The following UBE3C variants were observed in gnomAD, a reference collection of about 807,000 sequenced individuals.
UBE3C encodes the protein ubiquitin-protein ligase E3C.
UBE3C carries 42 observed loss-of-function variants against 129.4 expected under a neutral mutation model. That is an observed-to-expected ratio of 0.32 (90% CI 0.25 to 0.42). The LOEUF is 0.42. UBE3C is among the 10% of genes least tolerant of loss of function. The probability of loss-of-function intolerance (pLI) is 1.00; values close to 1 mark genes in which losing one functional copy is unlikely to be tolerated. For synonymous variants in UBE3C, 510 were observed against 492.4 expected, an observed-to-expected ratio of 1.04 and a Z score of -0.47; for missense variants, 1,049 against 1,319.1, an observed-to-expected ratio of 0.80 and a Z score of 3.17.
chr7:157,232,871 CT>C (rs1796057715), intron 18 of UBE3C, among the ~76,000 whole-genome samples: 1 of 152,110 alleles, frequency 6.6e-6, no homozygotes, highest in South Asian at 2.1e-4. Context: ...TTTAGGACTT[CT>C]TTTACATAAC....
intron 1 of UBE3C, among the ~76,000 whole-genome samples, chr7:157,153,080 C>T (rs1006327439): frequency 6.2e-4 from 94 of 152,166 alleles, no homozygotes; most frequent in Non-Finnish European, 8.7e-4. Flanking sequence ...CCTGTAATCT[C>T]AGCTACTTGG....
At chr7:157,173,515 A>C (rs1808436092) in intron 4 of UBE3C, among the ~76,000 whole-genome samples, 1 of 152,192 alleles carries the variant, frequency 6.6e-6, no homozygotes, top group Non-Finnish European at 1.5e-5. Flanking sequence ...TATTCTATGC[A>C]AAAATCAACA....
intron 22 of UBE3C, among the ~76,000 whole-genome samples, chr7:157,264,768 G>A (rs1397970358): frequency 2.0e-5 from 3 of 152,032 alleles, no homozygotes; most frequent in Non-Finnish European, 4.4e-5. Flanking sequence ...ATGGGGTTTC[G>A]CCATGTTGGT....
At chr7:157,260,314 C>T (rs1049712695) in intron 22 of UBE3C, among the ~76,000 whole-genome samples, 3 of 152,212 alleles carry the variant, frequency 2.0e-5, no homozygotes, top group African/African-American at 4.8e-5. Context: ...GCCAGGAAAA[C>T]GCTGCCGCCT....
Position 157,182,295 on chromosome 7 carries a change from T to C in UBE3C, c.958T>C (p.Tyr320His), listed in dbSNP as rs1479325920. ...RKSGGAPWLF[Y>H]FVLTVGENYL... ...GAGTGGTGGAGCACCCTGGCTTTTCTATTTCGTTTTAACTGTTGGCGAAAA... is the reference window on the plus strand; with the variant it reads ...GAGTGGTGGAGCACCCTGGCTTTTCCATTTCGTTTTAACTGTTGGCGAAAA... Residue 320 changes from tyrosine to histidine, a missense_variant, in exon 8 of 23, where the codon TAT becomes CAT. Transcript: ENST00000348165. 1 of 1,613,868 alleles carries C rather than the reference T, an allele frequency of 6.2e-7. No individual in the cohort carries two copies. Among genetic ancestry groups the C allele is most frequent in the Non-Finnish European group, 8.5e-7 (1 of 1,179,954 alleles).
intron 21 of UBE3C, among the ~76,000 whole-genome samples, chr7:157,255,226 G>A (rs1796721577): frequency 6.6e-6 from 1 of 152,120 alleles, no homozygotes; most frequent in Admixed American, 6.5e-5. Flanking sequence ...ACACAATAAC[G>A]ATGTTCAGCA....
intron 13 of UBE3C, among the ~76,000 whole-genome samples, chr7:157,209,212 G>C (rs765208843): frequency 2.0e-5 from 3 of 152,156 alleles, no homozygotes; most frequent in South Asian, 4.1e-4. Context: ...CCAAGTCCAC[G>C]AGAGTCTCTC....
intron 4 of UBE3C, among the ~76,000 whole-genome samples, chr7:157,171,275 T>C (rs1808359526): frequency 6.6e-6 from 1 of 151,992 alleles, no homozygotes. Flanking sequence ...TACAGGCGTG[T>C]TACCAACATG....
chr7:157,235,114 C>G (rs1186525024), intron 18 of UBE3C, among the ~76,000 whole-genome samples: 1 of 152,124 alleles, frequency 6.6e-6, no homozygotes, highest in Non-Finnish European at 1.5e-5. Flanking sequence ...TGGCTTGAAC[C>G]TGGAGGCGGA....
intron 18 of UBE3C, among the ~76,000 whole-genome samples, chr7:157,246,789 T>G (rs556329026): frequency 1.9e-4 from 29 of 152,282 alleles, no homozygotes; most frequent in African/African-American, 7.0e-4. Context: ...TCTCTAAAAC[T>G]GTTCTCCACC....
At chr7:157,149,530 C>T (rs1055494248) in intron 1 of UBE3C, among the ~76,000 whole-genome samples, 1 of 152,102 alleles carries the variant, frequency 6.6e-6, no homozygotes, top group African/African-American at 2.4e-5. Flanking sequence ...CATGCACAGG[C>T]GGACCCTGCA....
At chr7:157,262,466 C>G (rs1407470109) in intron 22 of UBE3C, among the ~76,000 whole-genome samples, 2 of 125,532 alleles carry the variant, frequency 1.6e-5, no homozygotes, top group Non-Finnish European at 3.1e-5. Context: ...GTTGCCCAGG[C>G]TGGAGTACAA....
chr7:157,197,022 A>C (rs940756738), intron 10 of UBE3C, among the ~76,000 whole-genome samples: 1 of 152,248 alleles, frequency 6.6e-6, no homozygotes, highest in Non-Finnish European at 1.5e-5. Context: ...CACAGCAGTC[A>C]TAATTCTGCA....
At chr7:157,173,113 C>T (rs1437580898) in intron 4 of UBE3C, among the ~76,000 whole-genome samples, 1 of 152,200 alleles carries the variant, frequency 6.6e-6, no homozygotes, top group African/African-American at 2.4e-5. Flanking sequence ...GTGGCTCAGG[C>T]CTGTAATACC....
chr7:157,170,396 T>C lies in UBE3C; in HGVS notation c.288T>C (p.Leu96=), dbSNP rs1808334765. The change falls in exon 4 of 23, where the codon CTT becomes CTC. Residue 96 remains leucine, a synonymous_variant. Transcript: ENST00000348165. ...TTGCTAATGGCCCCAACCTTACCCT[T>C]TTGGTAAGGCAGCTTCTGTTTTTTT... ...FPIANGPNLT[L]LVRQLLFFYK... 6.3e-7 allele frequency: 1 copy of C among 1,575,156 alleles called. No individual in the cohort carries two copies. Among genetic ancestry groups the C allele is most frequent in the Non-Finnish European group, 8.6e-7 (1 of 1,162,712 alleles).
intron 10 of UBE3C, among the ~76,000 whole-genome samples, chr7:157,199,637 A>G (rs1389409871): frequency 6.6e-6 from 1 of 151,164 alleles, no homozygotes; most frequent in Non-Finnish European, 1.5e-5. Flanking sequence ...CGCCCAGCTA[A>G]TTTTTCTATT....
In UBE3C at chr7:157,244,185, G is replaced by A. The variant is rs187125896; in HGVS notation, c.2482-4183G>A. 5.6e-4 allele frequency among the ~76,000 whole-genome samples: 85 copies of A among 152,246 alleles called. 1 individual carries two copies. The highest frequency in any genetic ancestry group is 1.9e-3 in the African/African-American group (81 of 41,546). On this transcript the variant is annotated intron_variant, in intron 18 of 22. Coordinates refer to ENST00000348165, the MANE Select transcript of UBE3C (RefSeq NM_014671.3). ...GCGGAGGTTGCAGTGAGCTGAGATC[G>A]TGCCATTCATTGCGCTCCAGCCTGG...
intron 22 of UBE3C, among the ~76,000 whole-genome samples, chr7:157,262,473 A>AC (rs1796945697): frequency 8.6e-6 from 1 of 115,900 alleles, no homozygotes; most frequent in Admixed American, 1.3e-4. Context: ...AGGCTGGAGT[A>AC]CAATGGCCCA....
chr7:157,169,373 C>CTTT lies in UBE3C; in HGVS notation c.195+264_195+266dup, dbSNP rs3039755. On this transcript the variant is annotated intron_variant, in intron 3 of 22. Coordinates refer to ENST00000348165, the MANE Select transcript of UBE3C (RefSeq NM_014671.3). ...AAATAGAAGGAAGTCATGAGAGATC[C>CTTT]TTTTTTTTTTTTTTTAAATTGAGAC... Among the ~76,000 whole-genome samples the CTTT allele has an allele frequency of 7.6e-4, 108 of 142,556 alleles. No homozygotes were observed. In the East Asian group the frequency reaches 0.011, roughly 15 times the overall value. 93.5% of individuals were successfully genotyped at this position (142,556 alleles called of 152,430 possible).
Sources: allele counts gnomAD v4.1 joint callset (sites outside exome capture counted in the v4.1 genomes callset), GRCh38; gene constraint gnomAD v4.1.1; transcripts MANE v1.5; gene names NCBI Gene and HGNC (gene_info 2026-07-23, HGNC 2026-07-21).